SLC30A10: variants seen among roughly 807,000 people sequenced by gnomAD.
SLC30A10 encodes the protein calcium/manganese antiporter SLC30A10.
Under a neutral mutation model 21.7 loss-of-function variants are expected in SLC30A10, and 8 were observed. The observed-to-expected ratio is 0.37, with a 90% CI of 0.22 to 0.67. The LOEUF (loss-of-function observed/expected upper bound fraction) is 0.67, where lower values mean the gene tolerates loss of function less well. Among genes scored for constraint, SLC30A10 ranks in the 30% least tolerant of loss-of-function variants. The probability of loss-of-function intolerance (pLI) is 0.58; values close to 1 mark genes in which losing one functional copy is unlikely to be tolerated. For synonymous variants in SLC30A10, 272 were observed against 279.4 expected (o/e 0.97, Z 0.26); for missense variants, 521 against 642.5 (o/e 0.81, Z 2.04).
Position 219,912,192 on chromosome 1 carries a change from A to AG in SLC30A10, c.*3256_*3257insC, listed in dbSNP as rs1356485699. Among the ~76,000 whole-genome samples, 129 of 141,740 alleles carry AG rather than the reference A, an allele frequency of 9.1e-4. No homozygotes were observed. The highest frequency in any genetic ancestry group is 3.2e-3 in the African/African-American group (126 of 38,878). The allele number at this position is 141,740 out of a possible 152,430, so 93.0% of individuals were successfully genotyped here. ...TGGCAAAAAAAAAAAAAAAAAAAAA[A>AG]AAAAGAACTAAATATGGAGAATATT... is the stretch of plus-strand genomic sequence containing the variant. On this transcript the variant is annotated 3_prime_UTR_variant, in exon 4 of 4. Coordinates refer to ENST00000366926, the MANE Select transcript of SLC30A10 (RefSeq NM_018713.3).
At chr1:219,939,055 A>G (rs2102541767) in intron 1 of SLC30A10, among the ~76,000 whole-genome samples, 1 of 152,308 alleles carries the variant, frequency 6.6e-6, no homozygotes, top group Non-Finnish European at 1.5e-5. Context: ...AGAGAGAGTA[A>G]TTTGCTCTCA....
intron 1 of SLC30A10, among the ~76,000 whole-genome samples, chr1:219,946,747 G>C (rs905026379): frequency 3.3e-5 from 5 of 152,060 alleles, no homozygotes; most frequent in African/African-American, 1.2e-4. Context: ...CTGCTTGTAA[G>C]AGGATAGGTG....
chr1:219,922,665 T>C (rs1007387246), intron 2 of SLC30A10, among the ~76,000 whole-genome samples: 4 of 152,086 alleles, frequency 2.6e-5, no homozygotes, highest in African/African-American at 9.7e-5. Context: ...GTAGTAATAA[T>C]ATCTGCCTCA....
chr1:219,915,993 T>C, intron 3 of SLC30A10, 45 bp from the exon 4 acceptor site: 1 of 1,579,588 alleles, frequency 6.3e-7, no homozygotes, highest in South Asian at 1.1e-5. Context: ...AGCGCTGCAT[T>C]TGAAACATGG....
intron 1 of SLC30A10, among the ~76,000 whole-genome samples, chr1:219,941,620 C>G (rs967080179): frequency 7.1e-6 from 1 of 141,448 alleles, no homozygotes. Context: ...TTCCTTCCTT[C>G]TTTCTTTCAT....
intron 2 of SLC30A10, among the ~76,000 whole-genome samples, chr1:219,923,202 G>A (rs897176193): frequency 6.6e-6 from 1 of 152,200 alleles, no homozygotes; most frequent in Non-Finnish European, 1.5e-5. Flanking sequence ...GATTCAGAAA[G>A]ATAAATCTGG....
intron 2 of SLC30A10, among the ~76,000 whole-genome samples, chr1:219,919,481 G>T (rs1659625197): frequency 6.6e-6 from 1 of 151,972 alleles, no homozygotes; most frequent in Non-Finnish European, 1.5e-5. Context: ...GTTTTAAAAA[G>T]ATGCCCAGGT....
At chr1:219,953,755 G>A (rs1360163393) in intron 1 of SLC30A10, among the ~76,000 whole-genome samples, 1 of 150,358 alleles carries the variant, frequency 6.7e-6, no homozygotes, top group Non-Finnish European at 1.5e-5. Context: ...TGCCCAGGCT[G>A]GAGTGCAGTG....
At chr1:219,957,502 G>A (rs558077659) in intron 1 of SLC30A10, among the ~76,000 whole-genome samples, 4 of 152,184 alleles carry the variant, frequency 2.6e-5, no homozygotes, top group African/African-American at 7.2e-5. Flanking sequence ...ATTAAATACC[G>A]GATTGCCATG....
In SLC30A10 at chr1:219,910,988, C is replaced by A. The variant is rs1045740283; in HGVS notation, c.*4461G>T. On this transcript the variant is annotated 3_prime_UTR_variant, in exon 4 of 4. Transcript: ENST00000366926. Reference sequence around the variant, plus strand: ...AACTAAATTCCTGGTTTGACAACCTCATTTCTACCTGTGGCTACTCAAGGG... The same window carrying A: ...AACTAAATTCCTGGTTTGACAACCTAATTTCTACCTGTGGCTACTCAAGGG... Among the ~76,000 whole-genome samples the A allele has an allele frequency of 6.6e-6, 1 of 152,104 alleles. No individual in the cohort carries two copies. Among genetic ancestry groups the A allele is most frequent in the African/African-American group, 2.4e-5 (1 of 41,436 alleles).
rs149443882 is a variant in SLC30A10, at chr1:219,915,499, G to T, written c.1408C>A (p.Leu470Ile). The T allele has an allele frequency of 6.8e-6, 11 of 1,614,070 alleles. No individual in the cohort carries two copies. Among genetic ancestry groups the T allele is most frequent in the African/African-American group, 2.7e-5 (2 of 74,918 alleles). ...DSCLSDHGQS[L>I]NKTQEDQCYV... ...CATTGGTCCTCCTGAGTTTTGTTAA[G>T]ACTTTGTCCGTGGTCACTCAGACAG... Residue 470 changes from leucine to isoleucine, a missense_variant, in exon 4 of 4, where the codon CTT becomes ATT. Transcript: ENST00000366926.
In SLC30A10 at chr1:219,915,537, A is replaced by G. The variant is rs1659513923; in HGVS notation, c.1370T>C (p.Val457Ala). The G allele has an allele frequency of 6.2e-7, 1 of 1,614,218 alleles. No individual in the cohort carries two copies. Residue 457 changes from valine (V) to alanine (A), a missense_variant, in exon 4 of 4, where the codon GTG becomes GCG. Transcript: ENST00000366926. ...GTCACTCAGACAGCTATCCAAAGACACTTCAATAGCCACTTCTCTTGCGTC... is the reference window on the plus strand; with the variant it reads ...GTCACTCAGACAGCTATCCAAAGACGCTTCAATAGCCACTTCTCTTGCGTC... ...RRDAREVAIE[V>A]SLDSCLSDHG...
intron 1 of SLC30A10, among the ~76,000 whole-genome samples, chr1:219,955,826 A>C (rs1353262993): frequency 6.6e-6 from 1 of 152,218 alleles, no homozygotes; most frequent in Non-Finnish European, 1.5e-5. Flanking sequence ...GCTATAAGCT[A>C]GGGTTCTAGA....
At chr1:219,916,957 T>A (rs1400779179) in intron 3 of SLC30A10, among the ~76,000 whole-genome samples, 1 of 150,340 alleles carries the variant, frequency 6.7e-6, no homozygotes, top group African/African-American at 2.4e-5. Context: ...TTGTTATTAC[T>A]ATCTTGTGGG....
At chr1:219,934,436 C>G (rs1282783085) in intron 1 of SLC30A10, among the ~76,000 whole-genome samples, 1 of 151,322 alleles carries the variant, frequency 6.6e-6, no homozygotes, top group East Asian at 1.9e-4. Context: ...GCACTCCAGC[C>G]TGGGTAACAA....
chr1:219,930,188 C>A (rs543167696), upstream of SLC30A10, among the ~76,000 whole-genome samples: 3,436 of 151,494 alleles, frequency 0.023, 116 homozygotes, highest in African/African-American at 0.076. Context: ...AAAAAAAACA[C>A]AGGTCAGGCG....
chr1:219,936,210 TAAA>T (rs1660042887), intron 1 of SLC30A10, among the ~76,000 whole-genome samples: 1 of 152,238 alleles, frequency 6.6e-6, no homozygotes, highest in South Asian at 2.1e-4. Flanking sequence ...TCCTAATCTG[TAAA>T]ATGCAAAGAA....
chr1:219,952,697 A>G lies in SLC30A10; in HGVS notation n.80+5871T>C, dbSNP rs753076120. Reference sequence around the variant, plus strand: ...TATGATGCTGTTAATTATTCTCTCTATACTCTGACAAAGACTGACAATGCA... The same window carrying G: ...TATGATGCTGTTAATTATTCTCTCTGTACTCTGACAAAGACTGACAATGCA... On this transcript the variant is annotated intron_variant and non_coding_transcript_variant, in intron 1 of 8. Transcript: ENST00000484239. Among the ~76,000 whole-genome samples, 46 of 152,136 alleles carry G rather than the reference A, an allele frequency of 3.0e-4. 1 individual carries two copies. Among genetic ancestry groups the G allele is most frequent in the Non-Finnish European group, 4.4e-5 (3 of 68,022 alleles).
intron 2 of SLC30A10, among the ~76,000 whole-genome samples, chr1:219,924,007 G>A (rs1463923212): frequency 2.6e-5 from 4 of 152,198 alleles, no homozygotes; most frequent in Non-Finnish European, 5.9e-5. Flanking sequence ...TTTGTGGTGA[G>A]TCAATACCAC....
Sources: gnomAD v4.1 joint callset for allele counts (sites outside exome capture counted in the v4.1 genomes callset) on GRCh38, gnomAD v4.1.1 for gene constraint, MANE v1.5 for transcripts, NCBI Gene and HGNC (gene_info 2026-07-23, HGNC 2026-07-21) for gene names.